Variants in ACLY observed in about 807,000 individuals in gnomAD.
The protein encoded by ACLY is ATP citrate lyase.
In ACLY, 41 loss-of-function variants were observed where a neutral mutation model predicts 133.0. That is an observed-to-expected ratio of 0.31 (90% CI 0.24 to 0.40). The LOEUF is 0.40. Among genes scored for constraint, ACLY ranks in the 10% least tolerant of loss-of-function variants. The probability of loss-of-function intolerance (pLI) is 1.00; values close to 1 mark genes in which losing one functional copy is unlikely to be tolerated. For synonymous variants in ACLY, 495 were observed against 549.3 expected, an observed-to-expected ratio of 0.90 and a Z score of 1.38; for missense variants, 1,046 against 1,453.8, an observed-to-expected ratio of 0.72 and a Z score of 4.56.
At chr17:41,905,966 G>A (rs1297146581) in intron 8 of ACLY, among the ~76,000 whole-genome samples, 1 of 152,200 alleles carries the variant, frequency 6.6e-6, no homozygotes, top group Non-Finnish European at 1.5e-5. Context: ...CACTGCAGGA[G>A]TCCCTGACGG....
chr17:41,896,803 A>G (rs2049381342), intron 13 of ACLY, among the ~76,000 whole-genome samples, 154 bp from the exon 14 acceptor site: 1 of 152,222 alleles, frequency 6.6e-6, no homozygotes, highest in Non-Finnish European at 1.5e-5. Context: ...ACAACGGAGT[A>G]AGGCCAGCAG....
intron 3 of ACLY, among the ~76,000 whole-genome samples, chr17:41,911,910 T>A (rs1403918010): frequency 2.6e-5 from 4 of 151,570 alleles, no homozygotes. Flanking sequence ...AGGTCAGGAG[T>A]TCGAGACCAG....
In ACLY at chr17:41,893,169, T is replaced by C; in HGVS notation, c.1465A>G (p.Ser489Gly). ...GTGTGGCGGCTGAAGAGGGTGGTGC[T>C]CTTTCCTGGTGGGCAAAGACACAGA... ...VPSPRSLQGK[S>G]TTLFSRHTKA... The change falls in exon 15 of 29, where the codon AGC becomes GGC. Residue 489 changes from serine to glycine, a missense_variant. This residue lies in a region of ACLY where 575 missense variants were observed against 804.2 expected (regional missense o/e 0.71). Coordinates refer to ENST00000352035, the MANE Select transcript of ACLY (RefSeq NM_001096.3). 1 of 1,612,102 alleles carries C rather than the reference T, an allele frequency of 6.2e-7. No homozygotes were observed. The highest frequency in any genetic ancestry group is 8.5e-7 in the Non-Finnish European group (1 of 1,178,912).
At chr17:41,897,611 A>C in intron 13 of ACLY, 138 bp downstream of exon 13, 1 of 727,856 alleles carries the variant, frequency 1.4e-6, no homozygotes, top group South Asian at 1.9e-5. Context: ...CTCGTGTCCC[A>C]GGTGCACTCC....
rs1555632512 is a variant in ACLY, at chr17:41,905,649, G to A, written c.876C>T (p.Ile292=). ...GGASVVYSDT[I]CDLGGVNELA... ...GCTCGTTGACACCCCCTAGATCACAGATGGTATCGCTGCCAAGGAGACAGA... is the reference window on the plus strand; with the variant it reads ...GCTCGTTGACACCCCCTAGATCACAAATGGTATCGCTGCCAAGGAGACAGA... Residue 292 remains isoleucine (I), a synonymous_variant, in exon 9 of 29, where the codon ATC becomes ATT. Transcript: ENST00000352035. 6.2e-7 allele frequency: 1 copy of A among 1,614,214 alleles called. No homozygotes were observed. The highest frequency in any genetic ancestry group is 1.7e-5 in the Admixed American group (1 of 60,030).
At chr17:41,868,841 C>A (rs2048529957) in intron 27 of ACLY, 56 bp from the exon 28 acceptor site, 1 of 1,545,856 alleles carries the variant, frequency 6.5e-7, no homozygotes, top group East Asian at 2.2e-5. Context: ...CCCTCCTCCC[C>A]ACAGACAGTA....
At chr17:41,873,110 A>T (rs2048640490) in intron 23 of ACLY, among the ~76,000 whole-genome samples, 2 of 152,108 alleles carry the variant, frequency 1.3e-5, no homozygotes, top group African/African-American at 4.8e-5. Flanking sequence ...AGTTGCAGAG[A>T]AAACCAATTT....
intron 23 of ACLY, among the ~76,000 whole-genome samples, chr17:41,872,966 G>A (rs1555625379): frequency 1.3e-5 from 2 of 152,132 alleles, no homozygotes; most frequent in East Asian, 1.9e-4. Flanking sequence ...CTCTCTGCAG[G>A]TGAGGGCATG....
At chr17:41,917,724 G>C (rs781820117) in intron 1 of ACLY, among the ~76,000 whole-genome samples, 1 of 152,162 alleles carries the variant, frequency 6.6e-6, no homozygotes, top group African/African-American at 2.4e-5. Context: ...AATTCTGTGA[G>C]TGCCCCTTAC....
intron 12 of ACLY, 37 bp from the exon 13 acceptor site, chr17:41,897,876 G>C (rs1555630735): frequency 6.4e-7 from 1 of 1,574,494 alleles, no homozygotes; most frequent in Admixed American, 1.9e-5. Flanking sequence ...AGAGGTAAGA[G>C]TCACACCTGG....
chr17:41,869,084 G>T lies in ACLY; in HGVS notation c.3093C>A (p.Val1031=). ...LILNVDGLIG[V]AFVDMLRNCG... ...AGTTTCTAAGCATGTCTACAAATGC[G>T]ACTCCGATGAGACCATCTACATTCA... Residue 1031 remains valine, a synonymous_variant, in exon 27 of 29, where the codon GTC becomes GTA. Transcript: ENST00000352035. The T allele has an allele frequency of 1.9e-6, 3 of 1,613,904 alleles. No homozygotes were observed. Among genetic ancestry groups the T allele is most frequent in the Middle Eastern group, 3.3e-4 (2 of 6,062 alleles).
At chr17:41,905,755 G>A in intron 8 of ACLY, 97 bp from the exon 9 acceptor site, 1 of 1,484,322 alleles carries the variant, frequency 6.7e-7, no homozygotes, top group Non-Finnish European at 9.3e-7. Context: ...CAAAACACTG[G>A]AGTTAGCCTG....
At chr17:41,904,196 GAGGGAGGGAGGAAAGGA>G (rs1555632136) in intron 10 of ACLY, among the ~76,000 whole-genome samples, 3 of 115,072 alleles carry the variant, frequency 2.6e-5, no homozygotes, top group African/African-American at 6.6e-5. Context: ...GAAGGGAGGG[GAGGGAGGGAGGAAAGGA>G]AGGGAGGGAG....
At chr17:41,868,261 A>AC (rs1337894415) in intron 28 of ACLY, among the ~76,000 whole-genome samples, 2 of 151,934 alleles carry the variant, frequency 1.3e-5, no homozygotes, top group African/African-American at 4.8e-5. Flanking sequence ...ACATGGTGAA[A>AC]CCCCGTCTCT....
intron 22 of ACLY, among the ~76,000 whole-genome samples, chr17:41,874,185 C>G (rs1191075220): frequency 1.3e-5 from 2 of 152,226 alleles, no homozygotes; most frequent in Non-Finnish European, 2.9e-5. Context: ...CATGACACCA[C>G]TTGGCATCAG....
At chr17:41,890,920 C>A (rs1343182394) in intron 16 of ACLY, among the ~76,000 whole-genome samples, 1 of 148,090 alleles carries the variant, frequency 6.8e-6, no homozygotes, top group African/African-American at 2.5e-5. Flanking sequence ...GCACGAGAAT[C>A]ACTTGAGCCT....
chr17:41,881,290 C>T (rs2048910813), intron 20 of ACLY, among the ~76,000 whole-genome samples: 3 of 151,552 alleles, frequency 2.0e-5, no homozygotes, highest in Admixed American at 1.3e-4. Context: ...ATTAGCCGGG[C>T]GTGGTGGCTG....
intron 1 of ACLY, among the ~76,000 whole-genome samples, chr17:41,928,184 A>C (rs1188438878): frequency 1.3e-5 from 2 of 152,178 alleles, no homozygotes; most frequent in Non-Finnish European, 2.9e-5. Context: ...ACATTAAAAT[A>C]TTTCCAGTTG....
Position 41,898,627 on chromosome 17 carries a change from C to T in ACLY, c.1338+4G>A, listed in dbSNP as rs770068080. 1.9e-6 allele frequency: 3 copies of T among 1,613,090 alleles called. No homozygotes were observed. The highest frequency in any genetic ancestry group is 2.5e-6 in the Non-Finnish European group (3 of 1,179,784). Reference sequence around the variant, plus strand: ...CTGTAAGGTTTGGGGAGGCTGGAACCTACCGATGTGCTCCCGCTGGCGTTG... The same window carrying T: ...CTGTAAGGTTTGGGGAGGCTGGAACTTACCGATGTGCTCCCGCTGGCGTTG... On this transcript the variant is annotated splice_donor_region_variant and intron_variant, in intron 12 of 28. Transcript: ENST00000352035.
Sources: gnomAD v4.1 joint callset for allele counts (sites outside exome capture counted in the v4.1 genomes callset) on GRCh38, gnomAD v4.1.1 for gene constraint, gnomAD v4.1.1 regional missense constraint, MANE v1.5 for transcripts, NCBI Gene and HGNC (gene_info 2026-07-23, HGNC 2026-07-21) for gene names.